ZNF536: variants seen among roughly 807,000 people sequenced by gnomAD.
ZNF536 encodes zinc finger protein 536.
In ZNF536, 13 loss-of-function variants were observed where a neutral mutation model predicts 84.5. The ratio of observed to expected loss-of-function variants is 0.15; its 90% CI spans 0.10 to 0.24. The LOEUF (loss-of-function observed/expected upper bound fraction) is 0.24. Ranked by LOEUF, ZNF536 falls within the 10% of genes least tolerant of loss-of-function variation. ZNF536 has a pLI of 1.00. For missense variants in ZNF536, 1,536 were observed against 1,747.5 expected (o/e 0.88, Z 2.16); for synonymous variants, 811 against 742.5 (o/e 1.09, Z -1.50).
chr19:30,469,599 A>G (rs1208464191), intron 2 of ZNF536, among the ~76,000 whole-genome samples: 2 of 152,198 alleles, frequency 1.3e-5, no homozygotes, highest in Non-Finnish European at 2.9e-5. Context: ...ATAGAGGCAC[A>G]TTCCCCAAAG....
chr19:30,332,578 C>T (rs904455982), intron 2 of ZNF536, among the ~76,000 whole-genome samples: 3 of 152,186 alleles, frequency 2.0e-5, no homozygotes, highest in African/African-American at 7.2e-5. Flanking sequence ...TTCCACCTCC[C>T]TATATAAAAT....
chr19:30,684,970 G>T (rs2051115126), intron 1 of ZNF536, among the ~76,000 whole-genome samples: 1 of 152,072 alleles, frequency 6.6e-6, no homozygotes, highest in Admixed American at 6.5e-5. Flanking sequence ...TATGTGGGAG[G>T]GGGTTGTCTC....
At chr19:30,353,460 G>C (rs1463196760) in intron 3 of ZNF536, among the ~76,000 whole-genome samples, 1 of 152,106 alleles carries the variant, frequency 6.6e-6, no homozygotes, top group East Asian at 1.9e-4. Flanking sequence ...CTTGGTGGGT[G>C]TATTTCGTGT....
At chr19:30,628,339 C>G (rs1347770459) in intron 1 of ZNF536, among the ~76,000 whole-genome samples, 1 of 152,200 alleles carries the variant, frequency 6.6e-6, no homozygotes, top group Non-Finnish European at 1.5e-5. Context: ...CTTCAACTCC[C>G]TGTGCTTTCC....
chr19:30,311,475 C>A (rs1478638141), intron 2 of ZNF536, among the ~76,000 whole-genome samples: 1 of 152,196 alleles, frequency 6.6e-6, no homozygotes, highest in East Asian at 1.9e-4. Flanking sequence ...TGCTCTGGTG[C>A]CCTAGGCAGG....
chr19:30,329,189 ACAACAG>A (rs1193442452), intron 2 of ZNF536, among the ~76,000 whole-genome samples: 1 of 152,218 alleles, frequency 6.6e-6, no homozygotes, highest in African/African-American at 2.4e-5. Flanking sequence ...CATGGGCCAC[ACAACAG>A]CAAGTGAACA....
chr19:30,246,573 C>G (rs1237514330), intron 1 of ZNF536, among the ~76,000 whole-genome samples: 1 of 152,168 alleles, frequency 6.6e-6, no homozygotes, highest in African/African-American at 2.4e-5. Flanking sequence ...CTACACACTG[C>G]CCCCGTCCCC....
chr19:30,490,989 A>G (rs1007120915), intron 2 of ZNF536, among the ~76,000 whole-genome samples: 3 of 151,990 alleles, frequency 2.0e-5, no homozygotes, highest in African/African-American at 7.3e-5. Context: ...AGGACCCGGG[A>G]CCCAGGTTAG....
At chr19:30,420,677 C>T (rs1436297620) in intron 1 of ZNF536, among the ~76,000 whole-genome samples, 7 of 150,316 alleles carry the variant, frequency 4.7e-5, no homozygotes, top group Non-Finnish European at 5.9e-5. Flanking sequence ...TTTTTTTGCC[C>T]TCTGAGGAAA....
At chr19:30,514,236 A>G (rs11669833) in intron 2 of ZNF536, among the ~76,000 whole-genome samples, 14,757 of 152,222 alleles carry the variant, frequency 0.097, 983 homozygotes, top group Non-Finnish European at 0.15. Context: ...CAGTTTGTCC[A>G]CATCCAACTG....
intron 1 of ZNF536, among the ~76,000 whole-genome samples, chr19:30,619,086 C>T (rs1451892331): frequency 6.6e-6 from 1 of 151,958 alleles, no homozygotes; most frequent in Non-Finnish European, 1.5e-5. Context: ...TACATTGTAC[C>T]CACCACGTAA....
intron 2 of ZNF536, among the ~76,000 whole-genome samples, chr19:30,307,945 G>A (rs1051066639): frequency 1.2e-4 from 19 of 152,166 alleles, no homozygotes; most frequent in Non-Finnish European, 2.6e-4. Context: ...GGTGGCTTTC[G>A]ATGACTTAAA....
chr19:30,275,417 C>A (rs964771225), intron 1 of ZNF536, among the ~76,000 whole-genome samples: 5 of 152,208 alleles, frequency 3.3e-5, no homozygotes, highest in Non-Finnish European at 7.3e-5. Context: ...TCTGTGCGTG[C>A]TCCTGAGGAT....
intron 1 of ZNF536, among the ~76,000 whole-genome samples, chr19:30,566,218 C>T (rs1253540246): frequency 6.6e-6 from 1 of 152,140 alleles, no homozygotes; most frequent in Non-Finnish European, 1.5e-5. Context: ...CAGTTACCAC[C>T]GGGACGTTTT....
intron 1 of ZNF536, among the ~76,000 whole-genome samples, chr19:30,383,146 T>G (rs2049088958): frequency 6.6e-6 from 1 of 151,916 alleles, no homozygotes; most frequent in Non-Finnish European, 1.5e-5. Context: ...AAAACTTAGC[T>G]GGGCATGGTG....
At chr19:30,424,244 G>T (rs974747119) in intron 1 of ZNF536, among the ~76,000 whole-genome samples, 1 of 152,196 alleles carries the variant, frequency 6.6e-6, no homozygotes, top group African/African-American at 2.4e-5. Context: ...TGGGCTGCAG[G>T]GGGGTCTGGA....
intron 2 of ZNF536, among the ~76,000 whole-genome samples, chr19:30,528,714 C>T (rs142666500): frequency 6.9e-4 from 105 of 152,260 alleles, no homozygotes; most frequent in Admixed American, 2.9e-3. Context: ...GAGGTGCAGG[C>T]ACACTCTGTC....
chr19:30,703,204 G>C (rs1358126271), intron 1 of ZNF536, among the ~76,000 whole-genome samples: 1 of 152,202 alleles, frequency 6.6e-6, no homozygotes. Flanking sequence ...GGGCAGAAAA[G>C]AGCATGATGC....
intron 1 of ZNF536, among the ~76,000 whole-genome samples, chr19:30,282,272 A>C (rs1383574691): frequency 6.6e-6 from 1 of 152,232 alleles, no homozygotes; most frequent in Non-Finnish European, 1.5e-5. Context: ...TTGCCCACGC[A>C]GGTCAGACAC....
Sources: allele counts gnomAD v4.1 joint callset (sites outside exome capture counted in the v4.1 genomes callset), GRCh38; gene constraint gnomAD v4.1.1; transcripts MANE v1.5; gene names NCBI Gene and HGNC (gene_info 2026-07-23, HGNC 2026-07-21).